The following RNF128 variants were observed in gnomAD, a reference collection of about 807,000 sequenced individuals.
RNF128 encodes E3 ubiquitin-protein ligase RNF128.
A neutral mutation model predicts 26.2 loss-of-function variants in RNF128; 13 were observed. That is an observed-to-expected ratio of 0.50 (90% CI 0.32 to 0.79). RNF128 has a LOEUF of 0.79. Among genes scored for constraint, RNF128 ranks in the 30% least tolerant of loss-of-function variants. The pLI is 0.03. For missense variants in RNF128, 315 were observed against 349.7 expected, an observed-to-expected ratio of 0.90 and a Z score of 0.79; for synonymous variants, 149 against 142.5, an observed-to-expected ratio of 1.05 and a Z score of -0.32.
chrX:106,780,562 C>T (rs758328994), intron 2 of RNF128, among the ~76,000 whole-genome samples: 3 of 112,137 alleles, frequency 2.7e-5, no homozygotes, highest in Non-Finnish European at 5.6e-5. Context: ...AGGGGAAAGG[C>T]AAAAGGCGTT....
chrX:106,703,210 G>A (rs985922866), intron 1 of RNF128, among the ~76,000 whole-genome samples: 15 of 111,819 alleles, frequency 1.3e-4, no homozygotes, highest in Admixed American at 6.6e-4. Context: ...TTAAATGACT[G>A]TCTCAGCATC....
chrX:106,791,005 G>C, intron 5 of RNF128, 61 bp from the exon 6 acceptor site: 1 of 1,050,007 alleles, frequency 9.5e-7, no homozygotes, highest in Non-Finnish European at 1.3e-6. Flanking sequence ...ACTTTGAAGT[G>C]ATATGTCGAG....
At chrX:106,722,983 G>C (rs1929340049), upstream of RNF128, among the ~76,000 whole-genome samples, 1 of 110,908 alleles carries the variant, frequency 9.0e-6, no homozygotes, top group African/African-American at 3.3e-5. Context: ...TGGAGATATT[G>C]GCCTCCTCAC....
chrX:106,795,879 G>T lies in RNF128; in HGVS notation c.*166G>T. On this transcript the variant is annotated 3_prime_UTR_variant, in exon 7 of 7. Coordinates refer to ENST00000255499, the MANE Select transcript of RNF128 (RefSeq NM_194463.2). Reference sequence around the variant, plus strand: ...TTAAATGGCTTAAAATATTTAACCTGTTAACTTTTTTCCACAAACTCATTA... The same window carrying T: ...TTAAATGGCTTAAAATATTTAACCTTTTAACTTTTTTCCACAAACTCATTA... 1 of 352,453 alleles carries T rather than the reference G, an allele frequency of 2.8e-6. No individual in the cohort carries two copies. The highest frequency in any genetic ancestry group is 4.6e-6 in the Non-Finnish European group (1 of 218,119). The allele number at this position is 352,453 out of a possible 1,213,427, so 29.0% of individuals were successfully genotyped here. A position where few individuals can be genotyped will look rare whatever the true frequency, so the allele number is the denominator to read the frequency against.
chrX:106,700,139 C>T (rs1194125398), intron 1 of RNF128, among the ~76,000 whole-genome samples: 1 of 108,929 alleles, frequency 9.2e-6, no homozygotes, highest in African/African-American at 3.3e-5. Flanking sequence ...CCTCCTGTCT[C>T]AGCCTCCCAA....
At chrX:106,756,434 A>G (rs1282618576) in intron 1 of RNF128, among the ~76,000 whole-genome samples, 1 of 109,688 alleles carries the variant, frequency 9.1e-6, no homozygotes, top group Non-Finnish European at 1.9e-5. Context: ...ATAATGCTGC[A>G]TACCTACAAC....
chrX:106,756,469 A>G (rs1429802721), intron 1 of RNF128, among the ~76,000 whole-genome samples: 2 of 110,448 alleles, frequency 1.8e-5, no homozygotes, highest in Admixed American at 1.9e-4. Flanking sequence ...CAAACCTGAC[A>G]AAAACAAGCA....
chrX:106,789,423 A>G (rs1172810341), intron 4 of RNF128, among the ~76,000 whole-genome samples: 5 of 99,314 alleles, frequency 5.0e-5, no homozygotes, highest in Non-Finnish European at 9.9e-5. Context: ...ACTCTACATA[A>G]TATATAGTAT....
chrX:106,752,538 G>C (rs1351967363), intron 1 of RNF128, among the ~76,000 whole-genome samples: 2 of 112,479 alleles, frequency 1.8e-5, no homozygotes, highest in Admixed American at 1.9e-4. Flanking sequence ...CAAAAACTTA[G>C]ATCACAACAC....
At position 106,768,935 on chromosome X, in the gene RNF128, C is replaced by T. The variant is rs189826059; in HGVS notation, c.485-3978C>T. Among the ~76,000 whole-genome samples the T allele has an allele frequency of 1.3e-4, 15 of 112,194 alleles. No individual in the cohort carries two copies. The East Asian group carries it at 4.2e-3, about 31-fold the overall frequency. On this transcript the variant is annotated intron_variant, in intron 1 of 6. Transcript: ENST00000255499. Reference sequence around the variant, plus strand: ...GTTGTGTCTTTGTTCTCATTGGTTTCAAAGAACATCTTTATTTCTGCCTTC... The same window carrying T: ...GTTGTGTCTTTGTTCTCATTGGTTTTAAAGAACATCTTTATTTCTGCCTTC...
Position 106,787,936 on chromosome X carries a change from G to A in RNF128, c.823G>A (p.Asp275Asn). 8.4e-7 allele frequency: 1 copy of A among 1,192,408 alleles called. No individual in the cohort carries two copies. The highest frequency in any genetic ancestry group is 1.8e-5 in the African/African-American group (1 of 56,510). The change falls in exon 4 of 7, where the codon GAT becomes AAT. Residue 275 changes from aspartate to asparagine, a missense_variant. Asp to Asn is a conservative substitution (Grantham distance 23). Coordinates refer to ENST00000255499, the MANE Select transcript of RNF128 (RefSeq NM_194463.2). Reference protein sequence around the residue: ...QGDKEIGPDGDSCAVCIELYK... With the variant: ...QGDKEIGPDGNSCAVCIELYK... ...CTTGTAGGAAATTGGCCCTGATGGAGATAGTTGTGCTGTGTGCATTGAATT... is the reference window on the plus strand; with the variant it reads ...CTTGTAGGAAATTGGCCCTGATGGAAATAGTTGTGCTGTGTGCATTGAATT...
chrX:106,769,213 G>A (rs1194617866), intron 1 of RNF128, among the ~76,000 whole-genome samples: 1 of 111,932 alleles, frequency 8.9e-6, no homozygotes, highest in Non-Finnish European at 1.9e-5. Context: ...GGAGAGTTCT[G>A]TAGATGTCTA....
intron 1 of RNF128, among the ~76,000 whole-genome samples, chrX:106,700,922 A>T (rs1928947507): frequency 8.9e-6 from 1 of 111,977 alleles, no homozygotes; most frequent in African/African-American, 3.2e-5. Context: ...TATTGCACAC[A>T]CACACATAAT....
At chrX:106,793,296 G>A (rs914212513) in intron 6 of RNF128, among the ~76,000 whole-genome samples, 17 of 111,176 alleles carry the variant, frequency 1.5e-4, no homozygotes, top group African/African-American at 5.2e-4. Context: ...TTTAAACTTT[G>A]CTGATGTTTG....
intron 1 of RNF128, among the ~76,000 whole-genome samples, chrX:106,764,951 G>GA (rs1243425047): frequency 1.8e-5 from 2 of 110,905 alleles, no homozygotes; most frequent in Non-Finnish European, 3.8e-5. Context: ...TAAATAAATA[G>GA]AAAAAAAGGG....
At chrX:106,786,941 C>T (rs752832234) in intron 3 of RNF128, among the ~76,000 whole-genome samples, 2 of 111,527 alleles carry the variant, frequency 1.8e-5, no homozygotes, top group Non-Finnish European at 3.8e-5. Flanking sequence ...ATGCATACAA[C>T]TGAAAATACC....
chrX:106,738,593 T>C (rs1024208596), intron 1 of RNF128, among the ~76,000 whole-genome samples: 4 of 111,698 alleles, frequency 3.6e-5, no homozygotes, highest in African/African-American at 1.3e-4. Context: ...AGCAAAACCT[T>C]AAAATCAAGA....
At chrX:106,696,180 C>G (rs181543033) in intron 1 of RNF128, among the ~76,000 whole-genome samples, 1 of 111,737 alleles carries the variant, frequency 8.9e-6, no homozygotes, top group South Asian at 3.7e-4. Context: ...ATGATCATAA[C>G]TGTGATAGTT....
At chrX:106,783,866 CTT>C (rs1930606580) in intron 2 of RNF128, among the ~76,000 whole-genome samples, 1 of 110,567 alleles carries the variant, frequency 9.0e-6, no homozygotes, top group South Asian at 3.9e-4. Context: ...GCGCCAGGCT[CTT>C]TTAAACAACC....
Sources: allele counts gnomAD v4.1 joint callset (sites outside exome capture counted in the v4.1 genomes callset), GRCh38; gene constraint gnomAD v4.1.1; transcripts MANE v1.5; gene names NCBI Gene and HGNC (gene_info 2026-07-23, HGNC 2026-07-21).